The following XKR9 variants were observed in gnomAD, a reference collection of about 807,000 sequenced individuals.
XKR9 encodes XK-related protein 9.
A neutral mutation model predicts 32.0 loss-of-function variants in XKR9; 32 were observed. The ratio of observed to expected loss-of-function variants is 1.00; its 90% CI spans 0.76 to 1.34. The LOEUF is 1.34. XKR9 is among the 40% of genes most tolerant of loss of function. XKR9 has a pLI of 0.00. For synonymous variants in XKR9, 168 were observed against 143.4 expected (o/e 1.17, Z -1.22); for missense variants, 546 against 429.7 (o/e 1.27, Z -2.39).
chr8:70,669,907 C>T (rs1818649732), intron 1 of XKR9, among the ~76,000 whole-genome samples: 1 of 152,052 alleles, frequency 6.6e-6, no homozygotes, highest in Admixed American at 6.6e-5. Flanking sequence ...ACCTCGTGAT[C>T]CGCCCGCCTC....
chr8:70,705,950 C>G (rs1805704184), intron 3 of XKR9, among the ~76,000 whole-genome samples: 1 of 152,026 alleles, frequency 6.6e-6, no homozygotes, highest in Non-Finnish European at 1.5e-5. Flanking sequence ...AACCAAGAGC[C>G]AAGCGAACTT....
rs1194983721 is a variant in XKR9, at chr8:70,735,379, A to G, written c.*955A>G. 6.6e-6 allele frequency: 1 copy of G among 151,848 alleles called. No homozygotes were observed. The highest frequency in any genetic ancestry group is 2.4e-5 in the African/African-American group (1 of 41,414). 9.4% of individuals were successfully genotyped at this position (151,848 alleles called of 1,614,324 possible). On this transcript the variant is annotated 3_prime_UTR_variant, in exon 5 of 5. Coordinates refer to ENST00000408926, the MANE Select transcript of XKR9 (RefSeq NM_001011720.2). ...CCCAGATTTCATGTGTGTGAAACTT[A>G]ATCTCCAAATTTGTATGTTGATGGC...
intron 2 of XKR9, among the ~76,000 whole-genome samples, chr8:70,743,433 C>T (rs936076517): frequency 2.6e-5 from 4 of 152,138 alleles, no homozygotes; most frequent in African/African-American, 4.8e-5. Context: ...TACATTTTCA[C>T]GTTTGCTCAT....
downstream of XKR9, among the ~76,000 whole-genome samples, chr8:70,791,287 C>T (rs925906718): frequency 6.7e-6 from 1 of 150,152 alleles, no homozygotes; most frequent in African/African-American, 2.5e-5. Flanking sequence ...CCAACCTGAA[C>T]AACAGAGTGA....
intron 4 of XKR9, among the ~76,000 whole-genome samples, chr8:70,717,140 C>T (rs528286857): frequency 1.7e-3 from 258 of 152,318 alleles, no homozygotes; most frequent in Non-Finnish European, 2.6e-3. Flanking sequence ...AGCCCCACTC[C>T]AGGCTGCTTT....
the XKR9 span, among the ~76,000 whole-genome samples, chr8:70,966,974 A>G: frequency 6.6e-6 from 1 of 151,798 alleles, no homozygotes; most frequent in Non-Finnish European, 1.5e-5. Context: ...TTTTCTTGGT[A>G]AATTTTCCTC....
intron 2 of XKR9, among the ~76,000 whole-genome samples, chr8:70,763,710 G>T (rs1353385382): frequency 6.6e-6 from 1 of 152,060 alleles, no homozygotes; most frequent in Non-Finnish European, 1.5e-5. Context: ...GCAGTGAATT[G>T]TGTCCCTCCC....
the XKR9 span, among the ~76,000 whole-genome samples, chr8:70,978,356 T>C: frequency 6.6e-6 from 1 of 152,222 alleles, no homozygotes; most frequent in Non-Finnish European, 1.5e-5. Flanking sequence ...TTGGCATGTT[T>C]TTGGAGTGGC....
chr8:70,669,961 G>C (rs1472715505), intron 1 of XKR9, among the ~76,000 whole-genome samples: 1 of 152,100 alleles, frequency 6.6e-6, no homozygotes, highest in African/African-American at 2.4e-5. Context: ...CTACCACGCC[G>C]GGCCAGCCTG....
At chr8:70,933,514 G>A in the XKR9 span, among the ~76,000 whole-genome samples, 2 of 151,652 alleles carry the variant, frequency 1.3e-5, no homozygotes, top group East Asian at 3.9e-4. Flanking sequence ...CACAAAATCT[G>A]GAGAAAGTAG....
chr8:70,730,056 T>A (rs1586866847), intron 4 of XKR9, among the ~76,000 whole-genome samples: 2 of 152,138 alleles, frequency 1.3e-5, no homozygotes, highest in Admixed American at 6.6e-5. Flanking sequence ...TTGAAAAAAA[T>A]ATATTTTTTA....
the XKR9 span, among the ~76,000 whole-genome samples, chr8:71,046,515 T>A: frequency 6.6e-6 from 1 of 152,238 alleles, no homozygotes; most frequent in Non-Finnish European, 1.5e-5. Flanking sequence ...AACCCTGTAA[T>A]GATTCAGTAG....
intron 3 of XKR9, among the ~76,000 whole-genome samples, chr8:70,684,332 T>C (rs1378002133): frequency 6.6e-6 from 1 of 152,178 alleles, no homozygotes; most frequent in Non-Finnish European, 1.5e-5. Context: ...TATTAAATGT[T>C]AGATTTTAAA....
chr8:70,862,178 CAACTG>C, the XKR9 span, among the ~76,000 whole-genome samples: 5 of 152,058 alleles, frequency 3.3e-5, no homozygotes, highest in Non-Finnish European at 7.4e-5. Flanking sequence ...AGAACAAAGT[CAACTG>C]AATATTTTAG....
At chr8:70,814,142 A>G in the XKR9 span, among the ~76,000 whole-genome samples, 1 of 152,192 alleles carries the variant, frequency 6.6e-6, no homozygotes, top group African/African-American at 2.4e-5. Flanking sequence ...TGTCCTTTGC[A>G]GGGACATGGA....
the XKR9 span, among the ~76,000 whole-genome samples, chr8:70,813,885 C>A: frequency 6.6e-6 from 1 of 152,124 alleles, no homozygotes; most frequent in Non-Finnish European, 1.5e-5. Flanking sequence ...GTCAGTGTGG[C>A]GATTCCTCAG....
At chr8:70,992,809 C>T in the XKR9 span, among the ~76,000 whole-genome samples, 1 of 152,230 alleles carries the variant, frequency 6.6e-6, no homozygotes, top group Non-Finnish European at 1.5e-5. Context: ...CCACAGCAGC[C>T]TGGCAGAGCA....
the XKR9 span, among the ~76,000 whole-genome samples, chr8:71,042,570 T>C: frequency 6.6e-6 from 1 of 152,186 alleles, no homozygotes; most frequent in African/African-American, 2.4e-5. Flanking sequence ...GTTTTGAATG[T>C]AGTAAGTGCT....
At chr8:70,824,718 C>T in the XKR9 span, among the ~76,000 whole-genome samples, 1 of 151,896 alleles carries the variant, frequency 6.6e-6, no homozygotes, top group East Asian at 1.9e-4. Flanking sequence ...ACATTTTTAC[C>T]CTAGGAACAT....
Sources: gnomAD v4.1 joint callset for allele counts (sites outside exome capture counted in the v4.1 genomes callset) on GRCh38, gnomAD v4.1.1 for gene constraint, MANE v1.5 for transcripts, NCBI Gene and HGNC (gene_info 2026-07-23, HGNC 2026-07-21) for gene names.